SLC36A1: variants seen among roughly 807,000 people sequenced by gnomAD.
SLC36A1 encodes proton-coupled amino acid transporter 1.
SLC36A1 carries 30 observed loss-of-function variants against 47.5 expected under a neutral mutation model. The ratio of observed to expected loss-of-function variants is 0.63; its 90% CI spans 0.47 to 0.86. SLC36A1 has a LOEUF of 0.86. Ranked by LOEUF, SLC36A1 falls within the 40% of genes least tolerant of loss-of-function variation. SLC36A1 has a pLI of 0.00. For missense variants in SLC36A1, 517 were observed against 606.0 expected (o/e 0.85, Z 1.54); for synonymous variants, 255 against 249.7 (o/e 1.02, Z -0.20).
chr5:151,504,405 C>T, the SLC36A1 span: 2 of 152,714 alleles, frequency 1.3e-5, no homozygotes, highest in African/African-American at 4.8e-5. Context: ...GCTACATACA[C>T]TCTACACATG....
chr5:151,428,589 T>C, the SLC36A1 span, among the ~76,000 whole-genome samples: 1 of 152,144 alleles, frequency 6.6e-6, no homozygotes, highest in African/African-American at 2.4e-5. Flanking sequence ...GGCCTTCACT[T>C]GGGGAGCATC....
the SLC36A1 span, chr5:151,507,002 G>T: frequency 1.6e-6 from 1 of 643,276 alleles, no homozygotes; most frequent in Non-Finnish European, 2.6e-6. Context: ...CAGCATCCGT[G>T]CCCTGTAATC....
intron 7 of SLC36A1, chr5:151,469,333 T>A: frequency 1.5e-6 from 1 of 676,880 alleles, no homozygotes; most frequent in Non-Finnish European, 2.7e-6. Flanking sequence ...CATAATTTTT[T>A]AAAGTTACAT....
intron 6 of SLC36A1, 117 bp downstream of exon 6, chr5:151,467,400 A>T (rs1413136999): frequency 2.7e-6 from 2 of 744,294 alleles, no homozygotes; most frequent in Admixed American, 2.8e-5. Flanking sequence ...CAAAAGAGTT[A>T]AAGTTTTCAT....
intron 6 of SLC36A1, 48 bp from the exon 7 acceptor site, chr5:151,467,657 CCT>C: frequency 6.8e-7 from 1 of 1,473,684 alleles, no homozygotes; most frequent in East Asian, 2.3e-5. Flanking sequence ...GATCCACCGG[CCT>C]CTGTTGTTTG....
chr5:151,523,501 T>G, the SLC36A1 span, among the ~76,000 whole-genome samples: 1 of 152,162 alleles, frequency 6.6e-6, no homozygotes, highest in African/African-American at 2.4e-5. Context: ...TCTGAATACC[T>G]ATCTGTGTCT....
At chr5:151,487,888 A>G (rs1335923856) in intron 10 of SLC36A1, 95 bp from the exon 11 acceptor site, 7 of 1,430,900 alleles carry the variant, frequency 4.9e-6, no homozygotes, top group East Asian at 2.3e-5. Flanking sequence ...TCTCAATCCT[A>G]TAAGATGGAC....
chr5:151,553,244 A>G, the SLC36A1 span: 3 of 1,614,146 alleles, frequency 1.9e-6, no homozygotes, highest in African/African-American at 2.7e-5. Flanking sequence ...TGTGGTTCAC[A>G]GGGTCCGTCT....
intron 1 of SLC36A1, among the ~76,000 whole-genome samples, chr5:151,458,312 G>GTGTGTA (rs1491228584): frequency 0.14 from 15,429 of 111,066 alleles, 1,031 homozygotes; most frequent in East Asian, 0.39. Flanking sequence ...GTGTATATAC[G>GTGTGTA]TATATATATA....
At chr5:151,370,925 G>A in the SLC36A1 span, among the ~76,000 whole-genome samples, 3 of 152,148 alleles carry the variant, frequency 2.0e-5, no homozygotes, top group Non-Finnish European at 2.9e-5. Flanking sequence ...CCCGGGAGAC[G>A]GAGGTTGCAG....
chr5:151,497,153 TA>T (rs2127558437), downstream of SLC36A1, among the ~76,000 whole-genome samples: 1 of 152,258 alleles, frequency 6.6e-6, no homozygotes, highest in South Asian at 2.1e-4. Flanking sequence ...ATTTCCAGTT[TA>T]AAAAAAGTGG....
At chr5:151,387,855 G>C in the SLC36A1 span, among the ~76,000 whole-genome samples, 1 of 152,030 alleles carries the variant, frequency 6.6e-6, no homozygotes, top group Non-Finnish European at 1.5e-5. Flanking sequence ...TAAGGGACCT[G>C]GGAAGCCATG....
At chr5:151,533,050 A>G in the SLC36A1 span, among the ~76,000 whole-genome samples, 5 of 152,230 alleles carry the variant, frequency 3.3e-5, no homozygotes, top group African/African-American at 1.2e-4. Context: ...TGGAATAACC[A>G]TTTTGGAAAG....
the SLC36A1 span, among the ~76,000 whole-genome samples, chr5:151,516,781 A>G: frequency 6.6e-6 from 1 of 152,154 alleles, no homozygotes; most frequent in African/African-American, 2.4e-5. Flanking sequence ...ATTAAAATCT[A>G]GTGGCCAAAG....
the SLC36A1 span, chr5:151,507,665 C>T: frequency 4.9e-3 from 7,263 of 1,484,800 alleles, 32 homozygotes; most frequent in Non-Finnish European, 6.0e-3. Context: ...CTTTCCATGT[C>T]CCCTCTTACA....
the SLC36A1 span, among the ~76,000 whole-genome samples, chr5:151,386,804 C>G: frequency 6.6e-6 from 1 of 152,208 alleles, no homozygotes; most frequent in Non-Finnish European, 1.5e-5. Flanking sequence ...ATGTCTGCTT[C>G]TTTAGCTTTC....
the SLC36A1 span, among the ~76,000 whole-genome samples, chr5:151,430,405 C>A: frequency 1.3e-5 from 2 of 148,740 alleles, no homozygotes; most frequent in African/African-American, 5.0e-5. Flanking sequence ...CTGACTGCAA[C>A]CTCCGCCTCC....
the SLC36A1 span, among the ~76,000 whole-genome samples, chr5:151,421,201 CT>C: frequency 2.1e-5 from 3 of 145,190 alleles, no homozygotes; most frequent in African/African-American, 7.6e-5. Context: ...TCCTTCCTTC[CT>C]TCCTTCCTTC....
At chr5:151,537,658 G>A in the SLC36A1 span, 1 of 816,096 alleles carries the variant, frequency 1.2e-6, no homozygotes, top group Non-Finnish European at 1.9e-6. Flanking sequence ...ACAATGCTTG[G>A]CACATAGGGC....
Sources: gnomAD v4.1 joint callset for allele counts (sites outside exome capture counted in the v4.1 genomes callset) on GRCh38, gnomAD v4.1.1 for gene constraint, MANE v1.5 for transcripts, NCBI Gene and HGNC (gene_info 2026-07-23, HGNC 2026-07-21) for gene names.